The following EMC3 variants were observed in gnomAD, a reference collection of about 807,000 sequenced individuals.
The protein encoded by EMC3 is 30 kDa protein.
In EMC3, 13 loss-of-function variants were observed where a neutral mutation model predicts 36.6. That is an observed-to-expected ratio of 0.35 (90% CI 0.23 to 0.56). The LOEUF (loss-of-function observed/expected upper bound fraction) is 0.56. Ranked by LOEUF, EMC3 falls within the 20% of genes least tolerant of loss-of-function variation. EMC3 has a pLI of 0.84. For missense variants in EMC3, 220 were observed against 324.5 expected (o/e 0.68, Z 2.47); for synonymous variants, 120 against 111.9 (o/e 1.07, Z -0.46).
chr3:9,984,395 T>C (rs67895180), intron 1 of EMC3, among the ~76,000 whole-genome samples: 34,003 of 151,100 alleles, frequency 0.23, 4,417 homozygotes, highest in African/African-American at 0.36. Flanking sequence ...GTTGACTTCT[T>C]TTCTGTTTTT....
upstream of EMC3, among the ~76,000 whole-genome samples, chr3:9,990,325 C>CTCTTTT (rs756491768): frequency 4.5e-5 from 4 of 88,688 alleles, no homozygotes; most frequent in African/African-American, 2.3e-4. Context: ...GGGCCTTTCT[C>CTCTTTT]TTTTTTTTTT....
intron 1 of EMC3, among the ~76,000 whole-genome samples, chr3:9,993,452 G>C (rs905849811): frequency 3.9e-5 from 6 of 152,186 alleles, no homozygotes; most frequent in African/African-American, 1.4e-4. Flanking sequence ...TTTGGGGTTT[G>C]GGTTAGGAGC....
chr3:9,982,488 C>T (rs1002552166), intron 1 of EMC3, among the ~76,000 whole-genome samples: 5 of 151,750 alleles, frequency 3.3e-5, no homozygotes, highest in African/African-American at 7.3e-5. Flanking sequence ...CTCCTGACCT[C>T]GTGATCTGCC....
At chr3:9,986,208 G>A (rs149987251) in intron 1 of EMC3, among the ~76,000 whole-genome samples, 328 of 152,288 alleles carry the variant, frequency 2.2e-3, no homozygotes, top group Middle Eastern at 6.8e-3. Flanking sequence ...TAAACCCACC[G>A]AGGGTCGGCG....
chr3:9,965,117 A>T (rs2124897142), intron 7 of EMC3, among the ~76,000 whole-genome samples: 1 of 151,932 alleles, frequency 6.6e-6, no homozygotes, highest in South Asian at 2.1e-4. Context: ...AAAAAAAAAA[A>T]AAAAGCTTGC....
At chr3:9,994,887 A>G (rs750977972) in intron 1 of EMC3, among the ~76,000 whole-genome samples, 2 of 152,184 alleles carry the variant, frequency 1.3e-5, no homozygotes, top group Non-Finnish European at 2.9e-5. Flanking sequence ...ACATTTTAAT[A>G]GCATATATCC....
At chr3:9,990,331 T>C (rs2086033661), upstream of EMC3, among the ~76,000 whole-genome samples, 3 of 144,036 alleles carry the variant, frequency 2.1e-5, no homozygotes, top group African/African-American at 8.0e-5. Flanking sequence ...TTCTCTTTTT[T>C]TTTTTTTTTT....
chr3:10,001,918 G>T (rs2086205872), intron 1 of EMC3, among the ~76,000 whole-genome samples: 2 of 151,924 alleles, frequency 1.3e-5, no homozygotes, highest in Admixed American at 1.3e-4. Flanking sequence ...AGAATTGCAT[G>T]AACCCAGGAG....
At chr3:9,996,523 T>G (rs932513999) in intron 1 of EMC3, among the ~76,000 whole-genome samples, 4 of 152,198 alleles carry the variant, frequency 2.6e-5, no homozygotes, top group African/African-American at 9.7e-5. Flanking sequence ...ATTTGTATCT[T>G]TAGTGCTACC....
At chr3:9,981,001 A>G (rs1319426120) in intron 1 of EMC3, among the ~76,000 whole-genome samples, 2 of 152,102 alleles carry the variant, frequency 1.3e-5, no homozygotes, top group Admixed American at 6.6e-5. Flanking sequence ...CCTGGAGTTC[A>G]AGAACAGCCT....
upstream of EMC3, among the ~76,000 whole-genome samples, chr3:9,991,360 T>C (rs1441557398): frequency 6.6e-6 from 1 of 152,242 alleles, no homozygotes; most frequent in East Asian, 1.9e-4. Flanking sequence ...TTCTCTGCTC[T>C]CTTTCCCATT....
intron 7 of EMC3, among the ~76,000 whole-genome samples, chr3:9,967,496 C>T (rs189708043): frequency 7.2e-6 from 1 of 138,244 alleles, no homozygotes; most frequent in East Asian, 2.0e-4. Flanking sequence ...AGTCTTGGTA[C>T]CCTCTTTGAA....
rs577261594 is a variant in EMC3, at chr3:9,984,761, C to T, written c.155+1746G>A. On this transcript the variant is annotated intron_variant, in intron 1 of 7. Coordinates refer to ENST00000245046, the MANE Select transcript of EMC3 (RefSeq NM_001394674.1). ...CTGGTCAGTTCTGAAACTAATGCTA[C>T]AGAAAGATAAAGTGATCGCTGTAGT... Among the ~76,000 whole-genome samples, 3 of 152,242 alleles carry T rather than the reference C, an allele frequency of 2.0e-5. No individual in the cohort carries two copies. The South Asian group carries it at 6.2e-4, about 32-fold the overall frequency.
chr3:9,999,378 A>G (rs897282858), intron 1 of EMC3, among the ~76,000 whole-genome samples: 3 of 151,578 alleles, frequency 2.0e-5, no homozygotes, highest in African/African-American at 7.3e-5. Context: ...TGTAGCTGGG[A>G]CTATGGGCCT....
At chr3:9,995,196 A>G (rs1199480685) in intron 1 of EMC3, among the ~76,000 whole-genome samples, 1 of 152,052 alleles carries the variant, frequency 6.6e-6, no homozygotes, top group Non-Finnish European at 1.5e-5. Flanking sequence ...AGACACTGTC[A>G]TGATCCATGT....
chr3:9,966,223 CT>C (rs1389685798), intron 7 of EMC3, among the ~76,000 whole-genome samples: 1 of 149,694 alleles, frequency 6.7e-6, no homozygotes, highest in Admixed American at 6.7e-5. Context: ...GAAGTGGTAT[CT>C]GTTTTTTTTT....
At chr3:9,974,552 G>T in intron 3 of EMC3, 64 bp from the exon 4 acceptor site, 2 of 1,156,112 alleles carry the variant, frequency 1.7e-6, no homozygotes, top group Non-Finnish European at 1.3e-6. Context: ...ACTTTCTCCT[G>T]ATTTTCTGTA....
At chr3:9,997,300 G>C (rs1277849289) in intron 1 of EMC3, among the ~76,000 whole-genome samples, 2 of 150,492 alleles carry the variant, frequency 1.3e-5, no homozygotes, top group African/African-American at 4.9e-5. Context: ...TCGATCTCCT[G>C]ACCTCGTGAT....
intron 1 of EMC3, among the ~76,000 whole-genome samples, chr3:9,998,291 G>A (rs376689923): frequency 4.6e-5 from 7 of 150,926 alleles, no homozygotes; most frequent in East Asian, 3.9e-4. Context: ...GTATGAACCC[G>A]GGAGGCAGAG....
Sources: gnomAD v4.1 joint callset for allele counts (sites outside exome capture counted in the v4.1 genomes callset) on GRCh38, gnomAD v4.1.1 for gene constraint, MANE v1.5 for transcripts, NCBI Gene and HGNC (gene_info 2026-07-23, HGNC 2026-07-21) for gene names.